The following SCN4A variants were observed in gnomAD, a reference collection of about 807,000 sequenced individuals.
SCN4A encodes the protein sodium channel protein type 4 subunit alpha.
Under a neutral mutation model 162.0 loss-of-function variants are expected in SCN4A, and 83 were observed. That is an observed-to-expected ratio of 0.51 (90% CI 0.43 to 0.61). The LOEUF (loss-of-function observed/expected upper bound fraction) is 0.61, where lower values mean the gene tolerates loss of function less well. Ranked by LOEUF, SCN4A falls within the 20% of genes least tolerant of loss-of-function variation. The probability of loss-of-function intolerance (pLI) is 0.00; values close to 1 mark genes in which losing one functional copy is unlikely to be tolerated. For synonymous variants in SCN4A, 944 were observed against 985.1 expected (o/e 0.96, Z 0.78); for missense variants, 2,196 against 2,462.5 (o/e 0.89, Z 2.29).
At position 63,964,676 on chromosome 17, in the gene SCN4A, G is replaced by C; in HGVS notation, c.1244C>G (p.Thr415Ser). The C allele has an allele frequency of 1.2e-6, 2 of 1,603,168 alleles. No homozygotes were observed. The highest frequency in any genetic ancestry group is 1.7e-6 in the Non-Finnish European group (2 of 1,175,544). ...QDYWENLFQLTLRAAGKTYMI... is the reference protein window; with the variant it reads ...QDYWENLFQLSLRAAGKTYMI... ...GTAGGTCTTGCCAGCTGCTCGAAGG[G>C]TCTGGGAGTGGAGGGAGAGGGAGTG... is the stretch of plus-strand genomic sequence containing the variant. The change falls in exon 9 of 24, where the codon ACC becomes AGC. Residue 415 changes from threonine (T) to serine (S), a missense_variant and splice_region_variant. Thr to Ser is a moderately conservative substitution (Grantham distance 58). Transcript: ENST00000435607.
Position 63,947,117 on chromosome 17 carries a change from T to C in SCN4A, c.3369A>G (p.Gly1123=). ...VANWLGYSEL[G]PIKSLRTLRA... is the part of the protein sequence containing the mutation. The stretch of plus-strand genomic sequence containing the variant: ...GCAGTGTCCGCAGGGATTTGATGGG[T>C]CCCAGCTCCGAGTAGCCCAGCCAGT... Residue 1123 remains glycine, a synonymous_variant, in exon 18 of 24, where the codon GGA becomes GGG. Transcript: ENST00000435607. The C allele has an allele frequency of 6.2e-7, 1 of 1,609,236 alleles. No homozygotes were observed. The highest frequency in any genetic ancestry group is 8.5e-7 in the Non-Finnish European group (1 of 1,177,706).
At chr17:63,943,886 G>A (rs1367643686) in intron 21 of SCN4A, 36 bp from the exon 22 acceptor site, 1 of 1,406,890 alleles carries the variant, frequency 7.1e-7, no homozygotes. Context: ...TTGAGGTGCA[G>A]TTCCCCTTCC....
intron 5 of SCN4A, among the ~76,000 whole-genome samples, chr17:63,969,461 C>T (rs1303001301): frequency 3.9e-5 from 6 of 152,132 alleles, no homozygotes; most frequent in African/African-American, 4.8e-5. Flanking sequence ...AGCCCTCCTG[C>T]GCCCCGAGGA....
Position 63,945,314 on chromosome 17 carries a change from G to A in SCN4A, c.3720+46C>T, listed in dbSNP as rs749385851. ...GTACAACGAGAGGACCGGGGTGGGGGGCACCTCCATCCAGGTTCCCGGCAG... is the reference window on the plus strand; with the variant it reads ...GTACAACGAGAGGACCGGGGTGGGGAGCACCTCCATCCAGGTTCCCGGCAG... On this transcript the variant is annotated intron_variant, in intron 19 of 23. Coordinates refer to ENST00000435607, the MANE Select transcript of SCN4A (RefSeq NM_000334.4). The surrounding 1 kb of genome is among the most constrained non-coding windows in gnomAD (Gnocchi z 4.4). The A allele has an allele frequency of 7.1e-6, 11 of 1,544,002 alleles. No homozygotes were observed. The African/African-American group carries it at 1.5e-4, about 21-fold the overall frequency.
chr17:63,948,783 G>A lies in SCN4A; in HGVS notation c.2990-18C>T. The A allele has an allele frequency of 2.4e-5, 38 of 1,583,102 alleles. No homozygotes were observed. The highest frequency in any genetic ancestry group is 3.3e-5 in the Non-Finnish European group (38 of 1,160,806). The stretch of plus-strand genomic sequence containing the variant: ...CACGCAGGCTGATGGGGTGAGGGGG[G>A]ACAGGGACAGGCACCACATCATGGG... On this transcript the variant is annotated intron_variant, in intron 15 of 23. Coordinates refer to ENST00000435607, the MANE Select transcript of SCN4A (RefSeq NM_000334.4).
intron 13 of SCN4A, among the ~76,000 whole-genome samples, chr17:63,954,559 T>A (rs570059880): frequency 6.6e-6 from 1 of 152,280 alleles, no homozygotes; most frequent in South Asian, 2.1e-4. Flanking sequence ...GGTTACCTAG[T>A]CACTTCCTCT....
Position 63,966,000 on chromosome 17 carries a change from G to A in SCN4A, c.1242+102C>T, listed in dbSNP as rs1156318069. The A allele has an allele frequency of 4.8e-6, 4 of 829,774 alleles. No homozygotes were observed. The African/African-American group carries it at 6.7e-5, about 14-fold the overall frequency. The allele number at this position is 829,774 out of a possible 1,614,324, so 51.4% of individuals were successfully genotyped here. ...TCCATGAGGAGATGGCCCAGTTCGG[G>A]GGTTGGCCATCCTGTGGTAGGCCCC... On this transcript the variant is annotated intron_variant, in intron 8 of 23. Transcript: ENST00000435607.
chr17:63,969,524 T>C (rs1011191930), intron 5 of SCN4A, among the ~76,000 whole-genome samples: 3 of 152,232 alleles, frequency 2.0e-5, no homozygotes, highest in Non-Finnish European at 4.4e-5. Context: ...CAGTGGCCAA[T>C]GTACAGTGTG....
Position 63,951,465 on chromosome 17 carries a change from C to A in SCN4A, c.2812G>T (p.Glu938Ter), listed in dbSNP as rs374673348. 1 of 1,607,892 alleles carries A rather than the reference C, an allele frequency of 6.2e-7. No homozygotes were observed. The highest frequency in any genetic ancestry group is 8.5e-7 in the Non-Finnish European group (1 of 1,174,828). The change falls in exon 14 of 24, where the codon GAG becomes TAG. Residue 938 changes from glutamate to a stop codon, truncating the protein, a stop_gained. Coordinates refer to ENST00000435607, the MANE Select transcript of SCN4A (RefSeq NM_000334.4). LOFTEE classifies it high-confidence loss of function. This position sits in a 1 kb window ranked among gnomAD's most constrained non-coding sequence, Gnocchi z 4.5. ...TCTGAGAAAGTGTCGGTTTCCTCCT[C>A]GGTGGGCATCTCCAGGTCGGACTCC... ...SEESDLEMPT[E>*]EETDTFSEPE...
intron 18 of SCN4A, among the ~76,000 whole-genome samples, chr17:63,946,560 C>A (rs931921433): frequency 1.8e-4 from 27 of 149,358 alleles, no homozygotes; most frequent in African/African-American, 4.9e-4. Context: ...AGCTCAAGGG[C>A]ATGGCCCCAA....
chr17:63,943,461 T>A (rs1908612444), intron 22 of SCN4A, among the ~76,000 whole-genome samples: 1 of 151,852 alleles, frequency 6.6e-6, no homozygotes, highest in African/African-American at 2.4e-5. Context: ...GCCACTGGGG[T>A]CCCAGGTGGG....
At chr17:63,964,813 G>T in intron 8 of SCN4A, 136 bp from the exon 9 acceptor site, 1 of 667,100 alleles carries the variant, frequency 1.5e-6, no homozygotes, top group Non-Finnish European at 2.6e-6. Context: ...ACTGATGGCC[G>T]TCATTGGCAT....
At position 63,963,702 on chromosome 17, in the gene SCN4A, C is replaced by G; in HGVS notation, c.1576G>C (p.Gly526Arg). The G allele has an allele frequency of 6.3e-7, 1 of 1,596,132 alleles. No homozygotes were observed. Among genetic ancestry groups the G allele is most frequent in the African/African-American group, 1.3e-5 (1 of 74,640 alleles). The change falls in exon 10 of 24, where the codon GGA becomes CGA. Residue 526 changes from glycine to arginine, a missense_variant. Transcript: ENST00000435607. The part of the protein sequence containing the change: ...EKGAPRQSSS[G>R]DSGISDAMEE... ...ATGGCGTCGGAGATGCCGCTGTCTC[C>G]GCTGCTGCTCTGCCTCGGGGCTCCC...
In SCN4A at chr17:63,944,128, T is replaced by C. The variant is rs1372447358; in HGVS notation, c.3913-278A>G. On this transcript the variant is annotated intron_variant, in intron 21 of 23. Coordinates refer to ENST00000435607, the MANE Select transcript of SCN4A (RefSeq NM_000334.4). This position sits in a 1 kb window ranked among gnomAD's most constrained non-coding sequence, Gnocchi z 4.3. ...GCCCTAGAGTAACCCACAAGGCAGGTTGTAGCAGCCTCGTCTTTTTTTTTG... is the reference window on the plus strand; with the variant it reads ...GCCCTAGAGTAACCCACAAGGCAGGCTGTAGCAGCCTCGTCTTTTTTTTTG... 5.9e-5 allele frequency among the ~76,000 whole-genome samples: 9 copies of C among 151,994 alleles called. No homozygotes were observed. The highest frequency in any genetic ancestry group is 5.9e-4 in the Admixed American group (9 of 15,254).
At chr17:63,971,025 C>T (rs745616823) in intron 5 of SCN4A, 137 bp downstream of exon 5, 27 of 654,404 alleles carry the variant, frequency 4.1e-5, no homozygotes, top group Middle Eastern at 2.5e-4. Context: ...ACGTGGGCCC[C>T]TGTATGTCCA....
Position 63,972,108 on chromosome 17 carries a change from G to A in SCN4A, c.482+28C>T, listed in dbSNP as rs1256630800. On this transcript the variant is annotated intron_variant, in intron 3 of 23. Coordinates refer to ENST00000435607, the MANE Select transcript of SCN4A (RefSeq NM_000334.4). This position sits in a 1 kb window ranked among gnomAD's most constrained non-coding sequence, Gnocchi z 4.3. ...CTGAGATGGGCTGTGTCCCAGGGCT[G>A]GGGAGCTCAGGGAGCAGGGAGACTT... 10 of 1,540,736 alleles carry A rather than the reference G, an allele frequency of 6.5e-6. No individual in the cohort carries two copies. In the Admixed American group the frequency reaches 1.0e-4, roughly 16 times the overall value.
At chr17:63,969,368 G>A (rs779331769) in intron 5 of SCN4A, among the ~76,000 whole-genome samples, 11 of 152,170 alleles carry the variant, frequency 7.2e-5, no homozygotes, top group African/African-American at 1.4e-4. Context: ...GGGCCTAATC[G>A]TAGTGCCTCT....
chr17:63,953,480 C>G lies in SCN4A; in HGVS notation c.2377-1580G>C, dbSNP rs115097469. Among the ~76,000 whole-genome samples, 66 of 151,644 alleles carry G rather than the reference C, an allele frequency of 4.4e-4. 1 individual carries two copies. The highest frequency in any genetic ancestry group is 1.5e-3 in the African/African-American group (63 of 41,362). ...ATGTTTGAAATAATAGAAAGCTATACAAGGTGCTCCAGCCTGGCCAACATG... is the reference window on the plus strand; with the variant it reads ...ATGTTTGAAATAATAGAAAGCTATAGAAGGTGCTCCAGCCTGGCCAACATG... On this transcript the variant is annotated intron_variant, in intron 13 of 23. Coordinates refer to ENST00000435607, the MANE Select transcript of SCN4A (RefSeq NM_000334.4).
At chr17:63,942,298 A>G (rs1265798882) in intron 23 of SCN4A, among the ~76,000 whole-genome samples, 1 of 138,074 alleles carries the variant, frequency 7.2e-6, no homozygotes, top group South Asian at 2.2e-4. Flanking sequence ...TGTGTGTGAA[A>G]GAGACAGAGA....
Sources: allele counts gnomAD v4.1 joint callset (sites outside exome capture counted in the v4.1 genomes callset), GRCh38; gene constraint gnomAD v4.1.1; non-coding constraint Gnocchi (gnomAD v3.1); transcripts MANE v1.5; gene names NCBI Gene and HGNC (gene_info 2026-07-23, HGNC 2026-07-21).